Variants in CHRM3 observed in about 807,000 individuals in gnomAD.
CHRM3 encodes cholinergic receptor muscarinic 3, also known as muscarinic acetylcholine receptor M3.
CHRM3 carries 11 observed loss-of-function variants against 41.8 expected under a neutral mutation model. That is an observed-to-expected ratio of 0.26 (90% CI 0.17 to 0.44). The LOEUF (loss-of-function observed/expected upper bound fraction) is 0.44, where lower values mean the gene tolerates loss of function less well. CHRM3 is among the 20% of genes least tolerant of loss of function. The pLI is 1.00. For synonymous variants in CHRM3, 297 were observed against 301.4 expected (o/e 0.99, Z 0.15); for missense variants, 571 against 745.4 (o/e 0.77, Z 2.72).
At chr1:239,906,351 A>G (rs1679964643) in intron 6 of CHRM3, among the ~76,000 whole-genome samples, 1 of 152,208 alleles carries the variant, frequency 6.6e-6, no homozygotes, top group South Asian at 2.1e-4. Context: ...AGCAGGGTAC[A>G]CAATAGATTT....
intron 1 of CHRM3, among the ~76,000 whole-genome samples, chr1:239,432,583 T>C (rs1320054505): frequency 6.6e-6 from 1 of 152,212 alleles, no homozygotes; most frequent in Non-Finnish European, 1.5e-5. Context: ...GTAAGTGCTG[T>C]GCTAGGATAT....
At chr1:239,411,415 G>T (rs957460014) in intron 1 of CHRM3, among the ~76,000 whole-genome samples, 1 of 152,088 alleles carries the variant, frequency 6.6e-6, no homozygotes, top group African/African-American at 2.4e-5. Flanking sequence ...AGACCTACAC[G>T]AAAGAAAAAC....
intron 2 of CHRM3, among the ~76,000 whole-genome samples, chr1:239,542,531 C>A (rs1012514037): frequency 6.6e-6 from 1 of 152,120 alleles, no homozygotes; most frequent in Non-Finnish European, 1.5e-5. Context: ...ATGCGACAGG[C>A]AGTATTCTAG....
chr1:239,492,863 C>T (rs1667642575), intron 2 of CHRM3, 56 bp downstream of exon 2: 1 of 152,192 alleles, frequency 6.6e-6, no homozygotes, highest in Admixed American at 6.5e-5. Context: ...CATCAGTACT[C>T]AGAGTGATCA....
chr1:239,571,992 C>T (rs909457658), intron 3 of CHRM3, among the ~76,000 whole-genome samples: 4 of 152,148 alleles, frequency 2.6e-5, no homozygotes, highest in Non-Finnish European at 5.9e-5. Context: ...TATAAAACTA[C>T]CATATGCCAG....
chr1:239,818,595 T>C (rs1671786800), intron 5 of CHRM3, among the ~76,000 whole-genome samples: 1 of 152,208 alleles, frequency 6.6e-6, no homozygotes, highest in Admixed American at 6.5e-5. Flanking sequence ...TTCTGGAGTT[T>C]GTACTCCGGA....
intron 5 of CHRM3, among the ~76,000 whole-genome samples, chr1:239,817,108 A>G (rs1040085184): frequency 6.6e-6 from 1 of 152,144 alleles, no homozygotes; most frequent in Non-Finnish European, 1.5e-5. Flanking sequence ...TTTGCATAAT[A>G]TATGGACACA....
intron 1 of CHRM3, among the ~76,000 whole-genome samples, chr1:239,428,677 C>T (rs555891546): frequency 6.6e-6 from 1 of 152,122 alleles, no homozygotes; most frequent in Non-Finnish European, 1.5e-5. Flanking sequence ...AATATTTTCC[C>T]TGTTTTAGTT....
intron 1 of CHRM3, among the ~76,000 whole-genome samples, chr1:239,459,685 G>A (rs921763217): frequency 1.3e-5 from 2 of 152,096 alleles, no homozygotes; most frequent in Non-Finnish European, 2.9e-5. Context: ...GTTCTCTGAG[G>A]TTCTTCTTCT....
At chr1:239,669,095 C>A (rs970067628) in intron 4 of CHRM3, among the ~76,000 whole-genome samples, 7 of 152,142 alleles carry the variant, frequency 4.6e-5, no homozygotes, top group African/African-American at 1.7e-4. Context: ...GCCTGTTGAT[C>A]CTTGGTGCCG....
chr1:239,874,295 A>ATATATATATATATATATATATATACACAG (rs1676883849), intron 6 of CHRM3, among the ~76,000 whole-genome samples: 1 of 73,160 alleles, frequency 1.4e-5, no homozygotes, highest in East Asian at 3.1e-4. Flanking sequence ...GTATATATAT[A>ATATATATATATATATATATATATACACAG]TATATATATA....
Position 239,486,508 on chromosome 1 carries a change from A to G in CHRM3, c.-520-6201A>G, listed in dbSNP as rs1159511080. 4.6e-5 allele frequency among the ~76,000 whole-genome samples: 7 copies of G among 152,208 alleles called. No individual in the cohort carries two copies. The East Asian group carries it at 1.3e-3, about 29-fold the overall frequency. On this transcript the variant is annotated intron_variant, in intron 1 of 6. Transcript: ENST00000676153. Reference sequence around the variant, plus strand: ...TGGGAACTTGATCATGACACAATTTAGAACCAGAATTGGCAAACTTTATTT... The same window carrying G: ...TGGGAACTTGATCATGACACAATTTGGAACCAGAATTGGCAAACTTTATTT...
rs1217966229 is a variant in CHRM3 at position 239,914,824 on chromosome 1, C to G, written c.*5600C>G. ...CGTGGAAAGTTATTAGGAGACAATCCTTTATCCTGTTCTGCAAGCAATCAA... is the reference window on the plus strand; with the variant it reads ...CGTGGAAAGTTATTAGGAGACAATCGTTTATCCTGTTCTGCAAGCAATCAA... On this transcript the variant is annotated 3_prime_UTR_variant, in exon 7 of 7. Coordinates refer to ENST00000676153, the MANE Select transcript of CHRM3 (RefSeq NM_001375978.1). 6.0e-6 allele frequency: 1 copy of G among 166,810 alleles called. No individual in the cohort carries two copies. The highest frequency in any genetic ancestry group is 1.9e-4 in the East Asian group (1 of 5,208). 10.3% of individuals were successfully genotyped at this position (166,810 alleles called of 1,614,324 possible).
chr1:239,819,668 C>G (rs147718497), intron 5 of CHRM3, among the ~76,000 whole-genome samples: 40 of 152,090 alleles, frequency 2.6e-4, no homozygotes, highest in East Asian at 1.9e-4. Flanking sequence ...TAAAGAAGCT[C>G]GTATGGTAAA....
rs139997389 is a variant in CHRM3, at chr1:239,594,737, T to G, written c.-312-37487T>G. On this transcript the variant is annotated intron_variant, in intron 3 of 6. Transcript: ENST00000676153. ...AGAAAGTCTTTTAAGAAAGGTAATA[T>G]AGTAGGCCCTTCATACCCCTGGGTT... Among the ~76,000 whole-genome samples, 43 of 152,322 alleles carry G rather than the reference T, an allele frequency of 2.8e-4. No homozygotes were observed. In the East Asian group the frequency reaches 7.9e-3, roughly 28 times the overall value.
intron 5 of CHRM3, among the ~76,000 whole-genome samples, chr1:239,776,568 C>T (rs1668099431): frequency 6.6e-6 from 1 of 151,714 alleles, no homozygotes; most frequent in Non-Finnish European, 1.5e-5. Context: ...GGAAGAAGAA[C>T]AAAGAGATGA....
At chr1:239,406,481 G>A (rs1558197981) in intron 1 of CHRM3, among the ~76,000 whole-genome samples, 1 of 152,130 alleles carries the variant, frequency 6.6e-6, no homozygotes, top group South Asian at 2.1e-4. Flanking sequence ...ATGAACCAAA[G>A]TTAAATCCAA....
intron 5 of CHRM3, among the ~76,000 whole-genome samples, chr1:239,701,882 T>C (rs991197317): frequency 6.6e-6 from 1 of 152,190 alleles, no homozygotes; most frequent in African/African-American, 2.4e-5. Flanking sequence ...ACTATCCAAA[T>C]CTTATCTACT....
Position 239,907,358 on chromosome 1 carries a change from A to C in CHRM3, c.-19-75A>C. 8.8e-7 allele frequency: 1 copy of C among 1,132,560 alleles called. No homozygotes were observed. Among genetic ancestry groups the C allele is most frequent in the Non-Finnish European group, 1.3e-6 (1 of 785,096 alleles). The allele number at this position is 1,132,560 out of a possible 1,614,324, so 70.2% of individuals were successfully genotyped here. A position where few individuals can be genotyped will look rare whatever the true frequency, so the allele number is the denominator to read the frequency against. ...CTGTAATAGGCCTTCCATGTCTTTTAACGTATGTAATGCAAAGAACAAACA... is the reference window on the plus strand; with the variant it reads ...CTGTAATAGGCCTTCCATGTCTTTTCACGTATGTAATGCAAAGAACAAACA... On this transcript the variant is annotated intron_variant, in intron 6 of 6. Coordinates refer to ENST00000676153, the MANE Select transcript of CHRM3 (RefSeq NM_001375978.1). This position sits in a 1 kb window ranked among gnomAD's most constrained non-coding sequence, Gnocchi z 5.4.
Sources: allele counts gnomAD v4.1 joint callset (sites outside exome capture counted in the v4.1 genomes callset), GRCh38; gene constraint gnomAD v4.1.1; non-coding constraint Gnocchi (gnomAD v3.1); transcripts MANE v1.5; gene names NCBI Gene and HGNC (gene_info 2026-07-23, HGNC 2026-07-21).